APLP2: variants seen among roughly 807,000 people sequenced by gnomAD.
The protein encoded by APLP2 is amyloid beta precursor like protein 2.
A neutral mutation model predicts 89.9 loss-of-function variants in APLP2; 53 were observed. The observed-to-expected ratio is 0.59, with a 90% CI of 0.47 to 0.74. The LOEUF (loss-of-function observed/expected upper bound fraction) is 0.74. APLP2 is among the 30% of genes least tolerant of loss of function. APLP2 has a pLI of 0.00. For missense variants in APLP2, 973 were observed against 975.9 expected, an observed-to-expected ratio of 1.00 and a Z score of 0.04; for synonymous variants, 372 against 348.6, an observed-to-expected ratio of 1.07 and a Z score of -0.75.
chr11:130,075,781 A>G (rs1200648610), intron 1 of APLP2, among the ~76,000 whole-genome samples: 1 of 152,144 alleles, frequency 6.6e-6, no homozygotes, highest in Non-Finnish European at 1.5e-5. Flanking sequence ...ATCTAAGCCT[A>G]CTGCTCTGTC....
intron 1 of APLP2, chr11:130,100,296 T>C (rs1162349447): frequency 1.3e-5 from 2 of 152,142 alleles, no homozygotes; most frequent in Non-Finnish European, 2.9e-5. Flanking sequence ...AGAGTAATGG[T>C]TGGCCGAGGC....
chr11:130,080,292 T>G (rs1202764195), intron 1 of APLP2, among the ~76,000 whole-genome samples: 1 of 151,846 alleles, frequency 6.6e-6, no homozygotes, highest in African/African-American at 2.4e-5. Flanking sequence ...TCTCAACCTT[T>G]GCCTCCTGGG....
rs1287431654 is a variant in APLP2 at position 130,120,746 on chromosome 11, G to C, written c.444G>C (p.Lys148Asn). The change falls in exon 4 of 17, where the codon AAG becomes AAC. Residue 148 changes from lysine (K) to asparagine (N), a missense_variant. By Grantham distance (94) the Lys-to-Asn change is moderately conservative. Coordinates refer to ENST00000338167, the MANE Select transcript of APLP2 (RefSeq NM_001142276.2). ...FVSDVLLVPE[K>N]CQFFHKERME... Reference sequence around the variant, plus strand: ...GTGATGTCCTGCTAGTTCCAGAAAAGTGCCAGTTTTTCCACAAAGAGCGGA... The same window carrying C: ...GTGATGTCCTGCTAGTTCCAGAAAACTGCCAGTTTTTCCACAAAGAGCGGA... 1.2e-6 allele frequency: 2 copies of C among 1,613,968 alleles called. No homozygotes were observed. Among genetic ancestry groups the C allele is most frequent in the South Asian group, 1.1e-5 (1 of 91,078 alleles).
intron 3 of APLP2, among the ~76,000 whole-genome samples, chr11:130,115,864 CT>C (rs1313011716): frequency 6.6e-6 from 1 of 152,048 alleles, no homozygotes; most frequent in Non-Finnish European, 1.5e-5. Flanking sequence ...TTTCAGTCTA[CT>C]TTTTAAAAAG....
Position 130,129,118 on chromosome 11 carries a change from AC to A in APLP2, c.1369del (p.Leu457TrpfsTer8). The A allele has an allele frequency of 6.2e-7, 1 of 1,614,230 alleles. No homozygotes were observed. Among genetic ancestry groups the A allele is most frequent in the Non-Finnish European group, 8.5e-7 (1 of 1,180,046 alleles). On this transcript the variant is annotated frameshift_variant, in exon 10 of 17. Transcript: ENST00000338167. LOFTEE classifies it high-confidence loss of function. ...ASEKQQLVET[H>X]LARVEAMLND... ...GAGAAGCAGCAGCTGGTGGAGACCC[AC>A]CTGGCCCGAGTGGAAGCTATGCTGA...
intron 7 of APLP2, among the ~76,000 whole-genome samples, chr11:130,125,342 C>T (rs1184337339): frequency 6.6e-6 from 1 of 152,132 alleles, no homozygotes; most frequent in Non-Finnish European, 1.5e-5. Context: ...CCGTCTCCAG[C>T]GCTCAGGCCT....
Position 130,117,799 on chromosome 11 carries a change from G to T in APLP2, c.404-2907G>T, listed in dbSNP as rs147350269. On this transcript the variant is annotated intron_variant, in intron 3 of 16. Transcript: ENST00000338167. Reference sequence around the variant, plus strand: ...TTAAAGGTTGTATTTCTGACCAGGCGCAGTGGCTCACGCCTGTAATCCCAA... The same window carrying T: ...TTAAAGGTTGTATTTCTGACCAGGCTCAGTGGCTCACGCCTGTAATCCCAA... Among the ~76,000 whole-genome samples the T allele has an allele frequency of 2.0e-5, 3 of 152,142 alleles. No individual in the cohort carries two copies. The South Asian group carries it at 6.2e-4, about 31-fold the overall frequency.
chr11:130,089,810 C>T lies in APLP2; in HGVS notation c.106-19619C>T, dbSNP rs185069681. ...GCAGCGTAACTCCATCTTCACGTGG[C>T]GCTCCCTCTGTGTGCATGCATGTCT... On this transcript the variant is annotated intron_variant, in intron 1 of 16. Transcript: ENST00000338167. Among the ~76,000 whole-genome samples the T allele has an allele frequency of 1.9e-3, 293 of 152,336 alleles. 3 individuals are homozygous for T. Among genetic ancestry groups the T allele is most frequent in the East Asian group, 3.9e-4 (2 of 5,186 alleles).
intron 6 of APLP2, 43 bp downstream of exon 6, chr11:130,122,556 T>C: frequency 6.2e-7 from 1 of 1,611,844 alleles, no homozygotes. Flanking sequence ...CATGTGGTAA[T>C]TATTCACTTA....
intron 1 of APLP2, among the ~76,000 whole-genome samples, chr11:130,080,410 G>A (rs889860701): frequency 2.6e-5 from 4 of 151,736 alleles, no homozygotes; most frequent in Non-Finnish European, 5.9e-5. Context: ...TCACCATGTT[G>A]GCCAGGCTGG....
chr11:130,096,442 G>A (rs1404281829), intron 1 of APLP2, among the ~76,000 whole-genome samples: 1 of 152,194 alleles, frequency 6.6e-6, no homozygotes, highest in African/African-American at 2.4e-5. Context: ...TTGAGGCTGG[G>A]CCCTGTGGCT....
intron 11 of APLP2, among the ~76,000 whole-genome samples, chr11:130,130,813 G>A (rs1409933989): frequency 5.3e-5 from 8 of 152,204 alleles, no homozygotes; most frequent in Admixed American, 5.2e-4. Flanking sequence ...GATTGTGAGT[G>A]TCAGGGTACA....
chr11:130,091,383 C>T (rs1565560354), intron 1 of APLP2, among the ~76,000 whole-genome samples: 1 of 147,866 alleles, frequency 6.8e-6, no homozygotes, highest in Non-Finnish European at 1.5e-5. Context: ...CCCCTACCTC[C>T]CTCCCGGATG....
At chr11:130,078,889 CCCTT>C (rs1261459672) in intron 1 of APLP2, among the ~76,000 whole-genome samples, 2 of 151,922 alleles carry the variant, frequency 1.3e-5, no homozygotes. Flanking sequence ...CTAGATCAAG[CCCTT>C]CCTTGCTTGT....
At chr11:130,108,192 A>G (rs897454708) in intron 1 of APLP2, among the ~76,000 whole-genome samples, 4 of 152,252 alleles carry the variant, frequency 2.6e-5, no homozygotes, top group Non-Finnish European at 4.4e-5. Context: ...AAGCAATGGC[A>G]ACCAAAGCCA....
intron 3 of APLP2, among the ~76,000 whole-genome samples, chr11:130,117,696 A>G (rs553540031): frequency 1.3e-5 from 2 of 152,320 alleles, no homozygotes; most frequent in East Asian, 3.9e-4. Context: ...TAATGGCATC[A>G]TACTGTACCT....
chr11:130,126,517 T>C (rs935572096), intron 7 of APLP2, among the ~76,000 whole-genome samples, 183 bp from the exon 8 acceptor site: 3 of 152,210 alleles, frequency 2.0e-5, no homozygotes, highest in African/African-American at 7.2e-5. Flanking sequence ...TTGATGAATA[T>C]TGTGTAAGGA....
intron 1 of APLP2, among the ~76,000 whole-genome samples, chr11:130,101,056 G>T (rs1209763043): frequency 6.6e-6 from 1 of 152,176 alleles, no homozygotes; most frequent in East Asian, 1.9e-4. Context: ...AAAAAATGTG[G>T]CATTTCTTAC....
At position 130,069,925 on chromosome 11, in the gene APLP2, G is replaced by C. The variant is rs578220926; in HGVS notation, c.-53G>C. ...TTCTGGGTCGCGGTGTGCTAAGCGA[G>C]GAGTCCGAGTGTGTGAGCTTGAGAG... On this transcript the variant is annotated 5_prime_UTR_variant, in exon 1 of 17. Coordinates refer to ENST00000338167, the MANE Select transcript of APLP2 (RefSeq NM_001142276.2). The C allele has an allele frequency of 1.3e-5, 18 of 1,341,216 alleles. No homozygotes were observed. In the Admixed American group the frequency reaches 3.5e-4, roughly 26 times the overall value. The allele number at this position is 1,341,216 out of a possible 1,614,324, so 83.1% of individuals were successfully genotyped here.
Sources: allele counts gnomAD v4.1 joint callset (sites outside exome capture counted in the v4.1 genomes callset), GRCh38; gene constraint gnomAD v4.1.1; transcripts MANE v1.5; gene names NCBI Gene and HGNC (gene_info 2026-07-23, HGNC 2026-07-21).